ALK: variants seen among roughly 807,000 people sequenced by gnomAD.
The protein encoded by ALK is ALK tyrosine kinase receptor.
A neutral mutation model predicts 163.1 loss-of-function variants in ALK; 74 were observed. The observed-to-expected ratio is 0.45, with a 90% CI of 0.38 to 0.55. The LOEUF (loss-of-function observed/expected upper bound fraction) is 0.55. Ranked by LOEUF, ALK falls within the 20% of genes least tolerant of loss-of-function variation. The pLI, the probability that ALK is intolerant of heterozygous loss-of-function variation, is 0.00. For missense variants in ALK, 2,063 were observed against 2,105.3 expected, an observed-to-expected ratio of 0.98 and a Z score of 0.39; for synonymous variants, 960 against 843.2, an observed-to-expected ratio of 1.14 and a Z score of -2.40.
chr2:29,232,184 T>C, intron 15 of ALK, 120 bp downstream of exon 15: 1 of 1,385,668 alleles, frequency 7.2e-7, no homozygotes, highest in Non-Finnish European at 1.0e-6. Flanking sequence ...GTACCAATAT[T>C]CAGAGCTCCT....
intron 5 of ALK, among the ~76,000 whole-genome samples, chr2:29,383,483 AT>A (rs553136372): frequency 6.6e-6 from 1 of 152,066 alleles, no homozygotes; most frequent in Non-Finnish European, 1.5e-5. Context: ...CACCAGGCTA[AT>A]TTTTGTAATT....
chr2:29,294,683 A>G lies in ALK; in HGVS notation c.1817+2205T>C, dbSNP rs562807132. Among the ~76,000 whole-genome samples the G allele has an allele frequency of 6.6e-5, 10 of 152,182 alleles. No homozygotes were observed. In the South Asian group the frequency reaches 1.7e-3, roughly 25 times the overall value. On this transcript the variant is annotated intron_variant, in intron 9 of 28. Coordinates refer to ENST00000389048, the MANE Select transcript of ALK (RefSeq NM_004304.5). ...CTCTGTGTAGACTCTTTCAATAGTCATTTCATTTAGTCTCATAACAATCTT... is the reference window on the plus strand; with the variant it reads ...CTCTGTGTAGACTCTTTCAATAGTCGTTTCATTTAGTCTCATAACAATCTT...
chr2:29,852,109 A>G (rs2148401446), intron 1 of ALK, among the ~76,000 whole-genome samples: 1 of 152,352 alleles, frequency 6.6e-6, no homozygotes, highest in African/African-American at 2.4e-5. Flanking sequence ...AGATGCCAGC[A>G]CAGGAATAAG....
At chr2:29,492,203 T>C (rs1332666602) in intron 4 of ALK, among the ~76,000 whole-genome samples, 5 of 152,206 alleles carry the variant, frequency 3.3e-5, no homozygotes, top group African/African-American at 1.2e-4. Flanking sequence ...CTATATTTAA[T>C]GTGTTTCCAT....
intron 4 of ALK, among the ~76,000 whole-genome samples, chr2:29,421,111 G>C (rs1336915009): frequency 1.3e-5 from 2 of 151,512 alleles, no homozygotes; most frequent in Non-Finnish European, 2.9e-5. Context: ...CCAAAGGGGA[G>C]ATTGGCTCCA....
intron 1 of ALK, among the ~76,000 whole-genome samples, chr2:29,821,014 T>C (rs1019732069): frequency 1.3e-5 from 2 of 152,178 alleles, no homozygotes; most frequent in African/African-American, 2.4e-5. Flanking sequence ...GTGGATAGCA[T>C]GCTTATTCTA....
chr2:29,895,973 A>G (rs1231042549), intron 1 of ALK, among the ~76,000 whole-genome samples: 1 of 152,176 alleles, frequency 6.6e-6, no homozygotes, highest in Non-Finnish European at 1.5e-5. Context: ...ACATTCTGAC[A>G]CAGCTCTCTC....
intron 3 of ALK, among the ~76,000 whole-genome samples, chr2:29,622,099 G>A (rs1018133126): frequency 2.6e-5 from 4 of 152,120 alleles, no homozygotes; most frequent in South Asian, 2.1e-4. Flanking sequence ...CACCCATACC[G>A]CTAAATTAAT....
intron 1 of ALK, among the ~76,000 whole-genome samples, chr2:29,855,359 AC>A (rs1316119057): frequency 6.6e-6 from 1 of 152,024 alleles, no homozygotes; most frequent in East Asian, 1.9e-4. Flanking sequence ...CAGGGCTGCC[AC>A]CCTGATGCAC....
intron 4 of ALK, among the ~76,000 whole-genome samples, chr2:29,422,759 T>A (rs1382667079): frequency 6.6e-6 from 1 of 152,206 alleles, no homozygotes. Flanking sequence ...GCATTTGGCA[T>A]GGCCTAGGGT....
At chr2:29,829,452 GGTT>G (rs1665301679) in intron 1 of ALK, among the ~76,000 whole-genome samples, 1 of 152,102 alleles carries the variant, frequency 6.6e-6, no homozygotes, top group African/African-American at 2.4e-5. Context: ...GTCTCCAGGT[GGTT>G]GTTTGTAAGA....
intron 6 of ALK, among the ~76,000 whole-genome samples, chr2:29,325,045 A>G (rs1449280916): frequency 6.6e-6 from 1 of 152,160 alleles, no homozygotes; most frequent in Non-Finnish European, 1.5e-5. Flanking sequence ...GCATGTGCGG[A>G]GGACTCCCTC....
At chr2:29,805,935 G>A (rs1170867721) in intron 1 of ALK, among the ~76,000 whole-genome samples, 3 of 152,252 alleles carry the variant, frequency 2.0e-5, no homozygotes, top group South Asian at 2.1e-4. Flanking sequence ...GATACCAGCT[G>A]AGGATTACAG....
chr2:29,873,999 G>T (rs1032479003), intron 1 of ALK, among the ~76,000 whole-genome samples: 3 of 151,974 alleles, frequency 2.0e-5, no homozygotes, highest in Non-Finnish European at 4.4e-5. Context: ...AAGAAATACC[G>T]GTTCCATAAA....
In ALK at chr2:29,920,020, G is replaced by A. The variant is rs370297427; in HGVS notation, c.640C>T (p.Arg214Cys). The A allele has an allele frequency of 1.5e-5, 24 of 1,613,974 alleles. No individual in the cohort carries two copies. Among genetic ancestry groups the A allele is most frequent in the South Asian group, 8.8e-5 (8 of 91,090 alleles). ...GTCCCGAAGATCTGGAAGAGAAGGC[G>A]GGGCTGGGAGGCGCGAATTGCCGCG... is the stretch of plus-strand genomic sequence containing the variant. ...LSAAIRASQP[R>C]LLFQIFGTGH... Residue 214 changes from arginine to cysteine, a missense_variant, in exon 1 of 29, where the codon CGC (arginine) becomes TGC (cysteine). By Grantham distance (180) the Arg-to-Cys change is radical. Transcript: ENST00000389048.
At chr2:29,526,408 T>C (rs1033122713) in intron 4 of ALK, among the ~76,000 whole-genome samples, 5 of 152,192 alleles carry the variant, frequency 3.3e-5, no homozygotes, top group African/African-American at 1.2e-4. Context: ...GTCTGAGAAA[T>C]ATCCCCCTGA....
chr2:29,625,662 G>A (rs1038010808), intron 3 of ALK, among the ~76,000 whole-genome samples: 1 of 152,220 alleles, frequency 6.6e-6, no homozygotes, highest in East Asian at 1.9e-4. Flanking sequence ...AAGCCTAGGC[G>A]ATATGGCCTT....
chr2:29,554,211 A>G (rs1673786746), intron 3 of ALK, among the ~76,000 whole-genome samples: 2 of 152,202 alleles, frequency 1.3e-5, no homozygotes, highest in Admixed American at 1.3e-4. Context: ...AATTTTAAGC[A>G]TAATTATATT....
intron 1 of ALK, among the ~76,000 whole-genome samples, chr2:29,765,882 A>C (rs1412544490): frequency 6.6e-6 from 1 of 152,156 alleles, no homozygotes; most frequent in Non-Finnish European, 1.5e-5. Flanking sequence ...TGCTACCAAC[A>C]TGATATCACT....
Sources: allele counts gnomAD v4.1 joint callset (sites outside exome capture counted in the v4.1 genomes callset), GRCh38; gene constraint gnomAD v4.1.1; transcripts MANE v1.5; gene names NCBI Gene and HGNC (gene_info 2026-07-23, HGNC 2026-07-21).